DTL: variants seen among roughly 807,000 people sequenced by gnomAD.
The protein encoded by DTL is denticleless protein homolog.
Under a neutral mutation model 87.0 loss-of-function variants are expected in DTL, and 46 were observed. The ratio of observed to expected loss-of-function variants is 0.53; its 90% CI spans 0.42 to 0.68. The LOEUF is 0.68. Ranked by LOEUF, DTL falls within the 30% of genes least tolerant of loss-of-function variation. The pLI, the probability that DTL is intolerant of heterozygous loss-of-function variation, is 0.00. For missense variants in DTL, 737 were observed against 869.4 expected, an observed-to-expected ratio of 0.85 and a Z score of 1.91; for synonymous variants, 308 against 311.2, an observed-to-expected ratio of 0.99 and a Z score of 0.11.
chr1:212,078,024 TG>T (rs377316720), intron 11 of DTL, 148 bp from the exon 12 acceptor site: 9,110 of 391,510 alleles, frequency 0.023, 71 homozygotes, highest in African/African-American at 0.11. Context: ...GGAAATCTGT[TG>T]TTTTTTTTTT....
intron 2 of DTL, 32 bp downstream of exon 2, chr1:212,043,150 A>G (rs759396679): frequency 6.9e-6 from 11 of 1,595,040 alleles, no homozygotes; most frequent in Non-Finnish European, 9.4e-6. Flanking sequence ...CAAGGCTTGG[A>G]CAGAAATGAT....
intron 5 of DTL, among the ~76,000 whole-genome samples, chr1:212,054,638 A>G (rs980479260): frequency 6.6e-6 from 1 of 151,916 alleles, no homozygotes. Flanking sequence ...TACCAAAAAT[A>G]TAAAAAATTA....
chr1:212,039,114 ATGTGT>A (rs1454035313), intron 1 of DTL, among the ~76,000 whole-genome samples: 1 of 152,186 alleles, frequency 6.6e-6, no homozygotes, highest in African/African-American at 2.4e-5. Flanking sequence ...GTGTCAAAAA[ATGTGT>A]TTAAATTGCT....
intron 5 of DTL, among the ~76,000 whole-genome samples, chr1:212,056,225 C>T (rs563576661): frequency 6.6e-6 from 1 of 152,312 alleles, no homozygotes; most frequent in Admixed American, 6.5e-5. Context: ...AACACCAGTG[C>T]CAGCGTATGC....
chr1:212,068,878 C>G (rs1038414986), intron 10 of DTL, among the ~76,000 whole-genome samples, 175 bp downstream of exon 10: 3 of 152,172 alleles, frequency 2.0e-5, no homozygotes, highest in African/African-American at 7.2e-5. Flanking sequence ...GTGATGATTT[C>G]ATAAGTTAGC....
At chr1:212,056,060 G>A (rs1429826167) in intron 5 of DTL, among the ~76,000 whole-genome samples, 7 of 152,266 alleles carry the variant, frequency 4.6e-5, no homozygotes, top group Admixed American at 4.6e-4. Flanking sequence ...GGTTCCAGGG[G>A]ATTTTTTCAT....
rs1171929886 is a variant in DTL, at chr1:212,069,545, T to TA, written c.922+845dup. 5.3e-3 allele frequency among the ~76,000 whole-genome samples: 803 copies of TA among 151,554 alleles called. 4 individuals are homozygous for TA. Among genetic ancestry groups the TA allele is most frequent in the African/African-American group, 0.018 (760 of 41,322 alleles). The stretch of plus-strand genomic sequence containing the variant: ...TTATAGATAGATGTAGATATAGATA[T>TA]AAATTTTTTTTTTTTTTTGAGACGG... On this transcript the variant is annotated intron_variant, in intron 10 of 14. Transcript: ENST00000366991.
chr1:212,091,178 A>G (rs1472907186), intron 13 of DTL, among the ~76,000 whole-genome samples: 3 of 152,218 alleles, frequency 2.0e-5, no homozygotes, highest in African/African-American at 7.2e-5. Flanking sequence ...AGACATACAA[A>G]TGCCCAACAG....
chr1:212,068,852 T>A (rs1654588613), intron 10 of DTL, 149 bp downstream of exon 10: 1 of 558,876 alleles, frequency 1.8e-6, no homozygotes, highest in Non-Finnish European at 3.1e-6. Flanking sequence ...GATAATTTCA[T>A]AAGTGTACAT....
chr1:212,071,546 C>G (rs1385182066), intron 10 of DTL, among the ~76,000 whole-genome samples: 1 of 152,146 alleles, frequency 6.6e-6, no homozygotes, highest in Non-Finnish European at 1.5e-5. Context: ...CCCACATAAG[C>G]TATTAGTAAG....
At position 212,072,084 on chromosome 1, in the gene DTL, T is replaced by G. The variant is rs1654690198; in HGVS notation, c.923-17T>G. ...AAATAACAAGAGCCAAGTAATTTGGTTTTTTTCCTCTGGCAGTGGCTATTT... is the reference window on the plus strand; with the variant it reads ...AAATAACAAGAGCCAAGTAATTTGGGTTTTTTCCTCTGGCAGTGGCTATTT... On this transcript the variant is annotated splice_polypyrimidine_tract_variant and intron_variant, in intron 10 of 14. Coordinates refer to ENST00000366991, the MANE Select transcript of DTL (RefSeq NM_016448.4). The G allele has an allele frequency of 9.4e-6, 15 of 1,602,990 alleles. No individual in the cohort carries two copies. Among genetic ancestry groups the G allele is most frequent in the Non-Finnish European group, 1.2e-5 (14 of 1,170,264 alleles).
chr1:212,058,182 A>G (rs895088110), intron 5 of DTL, among the ~76,000 whole-genome samples: 1 of 152,174 alleles, frequency 6.6e-6, no homozygotes, highest in Admixed American at 6.5e-5. Context: ...ATTGGATTTA[A>G]ACTGCACATT....
chr1:212,081,984 T>C (rs1055681000), intron 13 of DTL, among the ~76,000 whole-genome samples: 4 of 152,096 alleles, frequency 2.6e-5, no homozygotes, highest in African/African-American at 9.7e-5. Flanking sequence ...AGGGTGAAGA[T>C]AGCTATAGAT....
intron 1 of DTL, among the ~76,000 whole-genome samples, chr1:212,038,654 C>T (rs1311562871): frequency 6.6e-6 from 1 of 152,100 alleles, no homozygotes; most frequent in Non-Finnish European, 1.5e-5. Context: ...GCCTTCTTGT[C>T]TGGATTGTAA....
chr1:212,081,318 A>G, intron 13 of DTL, among the ~76,000 whole-genome samples: 1 of 152,182 alleles, frequency 6.6e-6, no homozygotes, highest in East Asian at 1.9e-4. Context: ...ACAGGCCCTA[A>G]AGCAGGAGCA....
Position 212,101,118 on chromosome 1 carries a change from A to G in DTL, c.2094+34A>G. 3 of 1,475,402 alleles carry G rather than the reference A, an allele frequency of 2.0e-6. No homozygotes were observed. In the South Asian group the frequency reaches 4.0e-5, roughly 20 times the overall value. 91.4% of individuals were successfully genotyped at this position (1,475,402 alleles called of 1,614,324 possible). A position where few individuals can be genotyped will look rare whatever the true frequency, so the allele number is the denominator to read the frequency against. ...GCAGTGGTGGGAAGATACATTTCCT[A>G]ACTTAAAAGGGGCCAGACACCCAGA... On this transcript the variant is annotated intron_variant, in intron 14 of 14. Transcript: ENST00000366991.
At chr1:212,065,914 C>T (rs1052625496) in intron 7 of DTL, among the ~76,000 whole-genome samples, 1 of 152,042 alleles carries the variant, frequency 6.6e-6, no homozygotes, top group Non-Finnish European at 1.5e-5. Flanking sequence ...ACCGTGTTAG[C>T]CAGGATAGCC....
chr1:212,101,017 C>T lies in DTL; in HGVS notation c.2027C>T (p.Ser676Phe). 6.2e-7 allele frequency: 1 copy of T among 1,614,058 alleles called. No homozygotes were observed. Among genetic ancestry groups the T allele is most frequent in the African/African-American group, 1.3e-5 (1 of 75,042 alleles). Residue 676 changes from serine (S) to phenylalanine (F), a missense_variant, in exon 14 of 15, where the codon TCT becomes TTT. Coordinates refer to ENST00000366991, the MANE Select transcript of DTL (RefSeq NM_016448.4). ...GCCAAACGGAAGGCTGAGAATCCAT[C>T]TCCACGAAGTCCGTCATCCCAGACA... ...MAAKRKAENP[S>F]PRSPSSQTPN...
chr1:212,053,293 G>C (rs746308920), intron 5 of DTL, among the ~76,000 whole-genome samples: 3 of 151,742 alleles, frequency 2.0e-5, no homozygotes, highest in Non-Finnish European at 4.4e-5. Context: ...TTTAAGACAG[G>C]GTCTGGCACT....
Sources: gnomAD v4.1 joint callset for allele counts (sites outside exome capture counted in the v4.1 genomes callset) on GRCh38, gnomAD v4.1.1 for gene constraint, MANE v1.5 for transcripts, NCBI Gene and HGNC (gene_info 2026-07-23, HGNC 2026-07-21) for gene names.